The following BMP2K variants were observed in gnomAD, a reference collection of about 807,000 sequenced individuals.
BMP2K encodes BMP2 inducible kinase.
In BMP2K, 74 loss-of-function variants were observed where a neutral mutation model predicts 116.0. The observed-to-expected ratio is 0.64, with a 90% CI of 0.53 to 0.77. The LOEUF (loss-of-function observed/expected upper bound fraction) is 0.77. Ranked by LOEUF, BMP2K falls within the 30% of genes least tolerant of loss-of-function variation. The probability of loss-of-function intolerance (pLI) is 0.00; values close to 1 mark genes in which losing one functional copy is unlikely to be tolerated. For synonymous variants in BMP2K, 486 were observed against 502.5 expected (o/e 0.97, Z 0.44); for missense variants, 1,365 against 1,403.6 (o/e 0.97, Z 0.44).
intron 1 of BMP2K, among the ~76,000 whole-genome samples, chr4:78,782,943 G>A (rs1043401116): frequency 6.6e-6 from 1 of 152,112 alleles, no homozygotes; most frequent in African/African-American, 2.4e-5. Context: ...CTGAAACAAG[G>A]AGTTAATATC....
In BMP2K at chr4:78,862,863, A is replaced by G. The variant is rs76758751; in HGVS notation, c.1067+1395A>G. ...TTGCAGGAATCCAGGTTGAACAGCAATTGGTCTTATCTATGACATAGCTTT... is the reference window on the plus strand; with the variant it reads ...TTGCAGGAATCCAGGTTGAACAGCAGTTGGTCTTATCTATGACATAGCTTT... On this transcript the variant is annotated intron_variant, in intron 9 of 15. Coordinates refer to ENST00000502613, the MANE Select transcript of BMP2K (RefSeq NM_198892.2). Among the ~76,000 whole-genome samples, 863 of 152,216 alleles carry G rather than the reference A, an allele frequency of 5.7e-3. 11 individuals carry two copies. The highest frequency in any genetic ancestry group is 0.02 in the African/African-American group (812 of 41,568).
At chr4:78,889,707 C>T (rs1212110527) in intron 15 of BMP2K, among the ~76,000 whole-genome samples, 1 of 151,972 alleles carries the variant, frequency 6.6e-6, no homozygotes, top group Non-Finnish European at 1.5e-5. Context: ...GGACTAGGAC[C>T]CAAGAAAGGC....
In BMP2K at chr4:78,909,064, T is replaced by C. The variant is rs1380058105; in HGVS notation, c.2063-1546T>C. Among the ~76,000 whole-genome samples the C allele has an allele frequency of 4.1e-5, 6 of 146,960 alleles. No homozygotes were observed. In the South Asian group the frequency reaches 1.3e-3, roughly 33 times the overall value. On this transcript the variant is annotated intron_variant, in intron 15 of 15. Transcript: ENST00000502613. The stretch of plus-strand genomic sequence containing the variant: ...CTTACCTTCCCTTAGTCTTTTTTTT[T>C]TTTTTTTTTTTTTTTGAGACAGTTC...
Position 78,870,982 on chromosome 4 carries a change from ACAGCAGCAG to A in BMP2K, c.1452_1460del (p.Gln484_Gln486del), listed in dbSNP as rs752405558. The A allele has an allele frequency of 6.6e-4, 1,058 of 1,597,152 alleles. 5 individuals carry two copies. The East Asian group carries it at 0.018, about 28-fold the overall frequency. ...AGCAACAGCAGCAGCAGCAACAGCA[ACAGCAGCAG>A]CAGCAGCAGCAGCAGCAGCACCACC... is the stretch of plus-strand genomic sequence containing the variant. On this transcript the variant is annotated inframe_deletion, in exon 11 of 16. Transcript: ENST00000502613.
intron 5 of BMP2K, among the ~76,000 whole-genome samples, chr4:78,845,864 C>G (rs1730973320): frequency 6.6e-6 from 1 of 151,382 alleles, no homozygotes; most frequent in Non-Finnish European, 1.5e-5. Context: ...TTACTCTGGC[C>G]CATTTGTATA....
At position 78,912,135 on chromosome 4, in the gene BMP2K, T is replaced by C; in HGVS notation, c.*102T>C. The stretch of plus-strand genomic sequence containing the variant: ...TGGTAGCTCTTTATAGCATTCATTC[T>C]TAAAGATCAGTCAGAATAGGTGATT... On this transcript the variant is annotated 3_prime_UTR_variant, in exon 16 of 16. Coordinates refer to ENST00000502613, the MANE Select transcript of BMP2K (RefSeq NM_198892.2). The C allele has an allele frequency of 9.6e-7, 1 of 1,040,770 alleles. No individual in the cohort carries two copies. The highest frequency in any genetic ancestry group is 2.3e-5 in the Admixed American group (1 of 43,832). 64.5% of individuals were successfully genotyped at this position (1,040,770 alleles called of 1,614,324 possible).
Position 78,878,780 on chromosome 4 carries a change from A to G in BMP2K, c.1840A>G (p.Asn614Asp). 6.2e-7 allele frequency: 1 copy of G among 1,613,064 alleles called. No individual in the cohort carries two copies. The highest frequency in any genetic ancestry group is 8.5e-7 in the Non-Finnish European group (1 of 1,179,716). Residue 614 changes from asparagine to aspartate, a missense_variant, in exon 14 of 16, where the codon AAC becomes GAC. By Grantham distance (23) the Asn-to-Asp change is conservative. Around this residue, in one of 3 missense-constraint regions of BMP2K, gnomAD observed 762 missense variants for 756.7 expected, o/e 1.01. Coordinates refer to ENST00000502613, the MANE Select transcript of BMP2K (RefSeq NM_198892.2). ...EAIANFTNQK[N>D]ISNPPDMSGW... is the part of the protein sequence containing the mutation. ...CATTGCAAATTTCACAAATCAGAAG[A>G]ACATCAGCAATCCACCTGATATGTC...
At chr4:78,905,789 C>T (rs903127148) in intron 15 of BMP2K, among the ~76,000 whole-genome samples, 2 of 151,542 alleles carry the variant, frequency 1.3e-5, no homozygotes, top group Admixed American at 6.6e-5. Flanking sequence ...TGGCCCCAGA[C>T]ACAAATAGTG....
At chr4:78,841,553 T>A (rs948256387) in intron 3 of BMP2K, among the ~76,000 whole-genome samples, 6 of 152,166 alleles carry the variant, frequency 3.9e-5, no homozygotes, top group Non-Finnish European at 7.4e-5. Context: ...ACTCTTTTGA[T>A]TCCCCTAACC....
At chr4:78,813,579 C>T (rs1479554987) in intron 1 of BMP2K, among the ~76,000 whole-genome samples, 1 of 152,190 alleles carries the variant, frequency 6.6e-6, no homozygotes, top group Non-Finnish European at 1.5e-5. Flanking sequence ...GTTCCTCAAA[C>T]TTATCAACCA....
At chr4:78,801,465 C>A (rs967984501) in intron 1 of BMP2K, among the ~76,000 whole-genome samples, 1 of 151,938 alleles carries the variant, frequency 6.6e-6, no homozygotes, top group Admixed American at 6.6e-5. Flanking sequence ...ACCCCTACTC[C>A]CCTCTTAACA....
At chr4:78,896,517 T>C (rs1447822350) in intron 15 of BMP2K, among the ~76,000 whole-genome samples, 1 of 152,122 alleles carries the variant, frequency 6.6e-6, no homozygotes, top group African/African-American at 2.4e-5. Context: ...GGGTTTTTAG[T>C]GATTAATAAG....
intron 8 of BMP2K, chr4:78,859,929 AAAAC>A (rs1731689431): frequency 1.8e-6 from 1 of 556,506 alleles, no homozygotes; most frequent in Non-Finnish European, 3.2e-6. Flanking sequence ...ATTTTTGAGG[AAAAC>A]ACAGGGACAT....
chr4:78,787,681 A>G (rs1446416605), intron 1 of BMP2K, among the ~76,000 whole-genome samples: 1 of 152,146 alleles, frequency 6.6e-6, no homozygotes, highest in Non-Finnish European at 1.5e-5. Context: ...GGGGAGGGAA[A>G]CAAATGAGCA....
At chr4:78,807,550 C>T (rs1728877943) in intron 1 of BMP2K, among the ~76,000 whole-genome samples, 1 of 151,354 alleles carries the variant, frequency 6.6e-6, no homozygotes, top group African/African-American at 2.4e-5. Context: ...TAGTCTTGGG[C>T]TTTTCTTTTT....
At chr4:78,853,479 G>C (rs943604163) in intron 7 of BMP2K, among the ~76,000 whole-genome samples, 2 of 152,150 alleles carry the variant, frequency 1.3e-5, no homozygotes, top group African/African-American at 4.8e-5. Flanking sequence ...GTACTTTCCA[G>C]ATCCAGGAGT....
chr4:78,839,141 G>T (rs1476793000), intron 3 of BMP2K, among the ~76,000 whole-genome samples: 1 of 152,156 alleles, frequency 6.6e-6, no homozygotes, highest in African/African-American at 2.4e-5. Flanking sequence ...GTATCCATGG[G>T]CCAGCTGCTT....
chr4:78,850,778 A>C (rs1015565103), intron 6 of BMP2K, 146 bp from the exon 7 acceptor site: 4 of 675,328 alleles, frequency 5.9e-6, no homozygotes, highest in Admixed American at 7.7e-5. Context: ...CAAAAATTAA[A>C]TATATTAATT....
chr4:78,817,991 T>A (rs1429545614), intron 1 of BMP2K, among the ~76,000 whole-genome samples: 2 of 152,176 alleles, frequency 1.3e-5, no homozygotes, highest in African/African-American at 4.8e-5. Context: ...TAATACAATT[T>A]TAAGGCTTTT....
Sources: gnomAD v4.1 joint callset for allele counts (sites outside exome capture counted in the v4.1 genomes callset) on GRCh38, gnomAD v4.1.1 for gene constraint, gnomAD v4.1.1 regional missense constraint, MANE v1.5 for transcripts, NCBI Gene and HGNC (gene_info 2026-07-23, HGNC 2026-07-21) for gene names.